Variants in GRIK4 observed in about 807,000 individuals in gnomAD.
GRIK4 encodes the protein glutamate ionotropic receptor kainate type subunit 4, also known as glutamate receptor ionotropic, kainate 4.
A neutral mutation model predicts 104.9 loss-of-function variants in GRIK4; 40 were observed. The observed-to-expected ratio is 0.38, with a 90% CI of 0.30 to 0.50. GRIK4 has a LOEUF of 0.50. GRIK4 is among the 20% of genes least tolerant of loss of function. GRIK4 has a pLI of 0.93. For synonymous variants in GRIK4, 485 were observed against 524.9 expected (o/e 0.92, Z 1.04); for missense variants, 1,047 against 1,308.1 (o/e 0.80, Z 3.08).
intron 7 of GRIK4, among the ~76,000 whole-genome samples, chr11:120,832,499 A>G (rs959187233): frequency 6.6e-6 from 1 of 152,200 alleles, no homozygotes; most frequent in Admixed American, 6.5e-5. Flanking sequence ...ACTTCTGTGT[A>G]GTCGATCTCC....
intron 1 of GRIK4, among the ~76,000 whole-genome samples, chr11:120,569,664 A>C (rs967914183): frequency 6.6e-6 from 1 of 152,184 alleles, no homozygotes; most frequent in Admixed American, 6.5e-5. Flanking sequence ...TTTGGGGAGA[A>C]GGGTAGGGTC....
intron 1 of GRIK4, among the ~76,000 whole-genome samples, chr11:120,559,640 A>G (rs970103382): frequency 6.6e-6 from 1 of 152,216 alleles, no homozygotes; most frequent in African/African-American, 2.4e-5. Context: ...CAGGGTCATT[A>G]TTATAAACAC....
At chr11:120,567,182 G>A (rs1422466888) in intron 1 of GRIK4, among the ~76,000 whole-genome samples, 6 of 150,754 alleles carry the variant, frequency 4.0e-5, no homozygotes, top group Admixed American at 3.3e-4. Context: ...TTAGAGATGC[G>A]ATCTTGCTCT....
At chr11:120,613,149 C>T (rs11603831) in intron 1 of GRIK4, among the ~76,000 whole-genome samples, 61,865 of 151,892 alleles carry the variant, frequency 0.41, 12,811 homozygotes, top group Admixed American at 0.5. Context: ...AGCTCGGGTT[C>T]TGGAGTTGGA....
chr11:120,737,831 C>G (rs1951253932), intron 3 of GRIK4, among the ~76,000 whole-genome samples: 1 of 151,954 alleles, frequency 6.6e-6, no homozygotes, highest in Non-Finnish European at 1.5e-5. Flanking sequence ...TATATCTTAA[C>G]CTGCATAGTT....
intron 1 of GRIK4, among the ~76,000 whole-genome samples, chr11:120,595,286 A>G (rs1437927413): frequency 3.9e-5 from 6 of 152,056 alleles, no homozygotes; most frequent in Non-Finnish European, 4.4e-5. Flanking sequence ...CACATCCTTT[A>G]AGTTTCAGAT....
At chr11:120,907,403 G>A (rs1261033539) in intron 13 of GRIK4, among the ~76,000 whole-genome samples, 2 of 152,142 alleles carry the variant, frequency 1.3e-5, no homozygotes, top group Non-Finnish European at 2.9e-5. Context: ...TAGACATGCA[G>A]CCACACACCG....
At chr11:120,543,131 GA>G (rs1948053383) in intron 1 of GRIK4, among the ~76,000 whole-genome samples, 1 of 152,212 alleles carries the variant, frequency 6.6e-6, no homozygotes, top group African/African-American at 2.4e-5. Context: ...GGGGTGGGAG[GA>G]GGGATAGGAG....
intron 3 of GRIK4, among the ~76,000 whole-genome samples, chr11:120,769,565 T>G (rs1385324369): frequency 6.6e-6 from 1 of 152,250 alleles, no homozygotes; most frequent in Non-Finnish European, 1.5e-5. Flanking sequence ...TAAAGACAAT[T>G]CTTAACTTGC....
At chr11:120,647,475 G>A (rs1949559198) in intron 1 of GRIK4, among the ~76,000 whole-genome samples, 1 of 152,160 alleles carries the variant, frequency 6.6e-6, no homozygotes. Flanking sequence ...CCTTAACCAT[G>A]GCATTTGGGG....
intron 3 of GRIK4, among the ~76,000 whole-genome samples, chr11:120,666,250 G>C (rs1396396495): frequency 6.6e-6 from 1 of 152,240 alleles, no homozygotes; most frequent in Non-Finnish European, 1.5e-5. Flanking sequence ...AGGAGCCTGA[G>C]TCTCCCAGGT....
intron 1 of GRIK4, among the ~76,000 whole-genome samples, chr11:120,545,938 C>G (rs371087790): frequency 4.1e-4 from 63 of 152,286 alleles, no homozygotes; most frequent in African/African-American, 1.4e-3. Flanking sequence ...CACCCAGGCT[C>G]CACCCTTCCT....
In GRIK4 at chr11:120,511,828, C is replaced by CGCGGCCGGCCCGGCA. The variant is rs1186301739; in HGVS notation, c.-214_-200dup. 5.6e-6 allele frequency: 2 copies of CGCGGCCGGCCCGGCA among 358,216 alleles called. No homozygotes were observed. Among genetic ancestry groups the CGCGGCCGGCCCGGCA allele is most frequent in the South Asian group, 1.9e-5 (1 of 53,670 alleles). The allele number at this position is 358,216 out of a possible 1,614,324, so 22.2% of individuals were successfully genotyped here. A position where few individuals can be genotyped will look rare whatever the true frequency, so the allele number is the denominator to read the frequency against. ...GAGGAAAAACGGCCAACAGCAGCCC[C>CGCGGCCGGCCCGGCA]GCGGCCGGCCCGGCAGCGCCCGGCC... On this transcript the variant is annotated 5_prime_UTR_variant, in exon 1 of 21. Coordinates refer to ENST00000527524, the MANE Select transcript of GRIK4 (RefSeq NM_014619.5).
chr11:120,776,158 G>T (rs549759924), intron 3 of GRIK4, among the ~76,000 whole-genome samples: 1 of 152,352 alleles, frequency 6.6e-6, no homozygotes, highest in East Asian at 1.9e-4. Flanking sequence ...TGTTATTGTT[G>T]TGCAGACGTG....
At chr11:120,861,053 C>T (rs1445245577) in intron 8 of GRIK4, among the ~76,000 whole-genome samples, 1 of 141,600 alleles carries the variant, frequency 7.1e-6, no homozygotes, top group African/African-American at 2.6e-5. Flanking sequence ...TCCCCAGATT[C>T]GGATTCAGGT....
At chr11:120,731,279 A>G (rs746379032) in intron 3 of GRIK4, among the ~76,000 whole-genome samples, 3 of 151,142 alleles carry the variant, frequency 2.0e-5, no homozygotes, top group Non-Finnish European at 2.9e-5. Context: ...TTTAATCATG[A>G]AAGGATGTTG....
chr11:120,951,831 C>G (rs1046384091), intron 14 of GRIK4, among the ~76,000 whole-genome samples: 4 of 152,192 alleles, frequency 2.6e-5, no homozygotes, highest in African/African-American at 9.7e-5. Flanking sequence ...AGCCAGAAAT[C>G]TAGATTTGTA....
At chr11:120,827,653 A>G (rs925758259) in intron 6 of GRIK4, among the ~76,000 whole-genome samples, 1 of 152,240 alleles carries the variant, frequency 6.6e-6, no homozygotes, top group Non-Finnish European at 1.5e-5. Context: ...CTCTCAATGT[A>G]ACTAAACCAC....
intron 3 of GRIK4, among the ~76,000 whole-genome samples, chr11:120,719,431 TGA>T (rs1171710754): frequency 4.6e-5 from 7 of 152,214 alleles, no homozygotes; most frequent in Non-Finnish European, 7.3e-5. Context: ...AAATCGGCTC[TGA>T]TACTCACTGC....
Sources: gnomAD v4.1 joint callset for allele counts (sites outside exome capture counted in the v4.1 genomes callset) on GRCh38, gnomAD v4.1.1 for gene constraint, MANE v1.5 for transcripts, NCBI Gene and HGNC (gene_info 2026-07-23, HGNC 2026-07-21) for gene names.